UBLCP1: variants seen among roughly 807,000 people sequenced by gnomAD.
UBLCP1 encodes the protein ubiquitin-like domain-containing CTD phosphatase 1.
Under a neutral mutation model 42.4 loss-of-function variants are expected in UBLCP1, and 28 were observed. The observed-to-expected ratio is 0.66, with a 90% CI of 0.49 to 0.90. The LOEUF is 0.90. UBLCP1 is among the 40% of genes least tolerant of loss of function. UBLCP1 has a pLI of 0.00. For missense variants in UBLCP1, 279 were observed against 374.5 expected (o/e 0.75, Z 2.10); for synonymous variants, 122 against 120.8 (o/e 1.01, Z -0.07).
At chr5:159,275,363 G>A (rs1302674262) in intron 8 of UBLCP1, 117 bp downstream of exon 8, 2 of 586,714 alleles carry the variant, frequency 3.4e-6, no homozygotes, top group East Asian at 7.1e-5. Context: ...TAATAAAGTG[G>A]TTGAGTTTTG....
At chr5:159,267,589 C>T (rs928044877) in intron 1 of UBLCP1, among the ~76,000 whole-genome samples, 6 of 152,008 alleles carry the variant, frequency 3.9e-5, no homozygotes, top group African/African-American at 1.5e-4. Flanking sequence ...TTTGGAGGGG[C>T]CAGGGGCAGA....
At chr5:159,275,350 G>A (rs995428674) in intron 8 of UBLCP1, 104 bp downstream of exon 8, 1 of 592,184 alleles carries the variant, frequency 1.7e-6, no homozygotes, top group Non-Finnish European at 2.7e-6. Flanking sequence ...TCATCTGAGT[G>A]AATAATAAAG....
Position 159,275,215 on chromosome 5 carries a change from C to T in UBLCP1, c.653C>T (p.Thr218Ile). ...TFMLDSAAMITVHTPRRGLID... is the reference protein window; with the variant it reads ...TFMLDSAAMIIVHTPRRGLID... ...ATGTTGGATAGTGCTGCTATGATAA[C>T]AGTACATACTCCAAGGAGAGGATTA... The change falls in exon 8 of 11, where the codon ACA becomes ATA. Residue 218 changes from threonine to isoleucine, a missense_variant. By Grantham distance (89) the Thr-to-Ile change is moderately conservative (BLOSUM62 -1). Transcript: ENST00000296786. 1.2e-6 allele frequency: 2 copies of T among 1,612,964 alleles called. No individual in the cohort carries two copies. The highest frequency in any genetic ancestry group is 1.1e-5 in the South Asian group (1 of 91,056).
Position 159,268,984 on chromosome 5 carries a change from T to TA in UBLCP1, c.70dup (p.Thr24AsnfsTer28). ...CAGTGACCACACTTTCAGAAGATGA[T>TA]ACTGTGCTCGATCTCAAACAGTTTC... On this transcript the variant is annotated frameshift_variant, in exon 2 of 11. Coordinates refer to ENST00000296786, the MANE Select transcript of UBLCP1 (RefSeq NM_145049.5). LOFTEE classifies it high-confidence loss of function. 6.2e-7 allele frequency: 1 copy of TA among 1,611,894 alleles called. No homozygotes were observed. The highest frequency in any genetic ancestry group is 8.5e-7 in the Non-Finnish European group (1 of 1,179,108).
intron 2 of UBLCP1, among the ~76,000 whole-genome samples, chr5:159,269,360 A>G (rs1007941548): frequency 4.6e-5 from 7 of 152,308 alleles, no homozygotes; most frequent in African/African-American, 1.7e-4. Flanking sequence ...GATGAAACTC[A>G]TTTATTTTCT....
At chr5:159,274,064 G>T (rs1046747128) in intron 6 of UBLCP1, among the ~76,000 whole-genome samples, 1 of 152,120 alleles carries the variant, frequency 6.6e-6, no homozygotes, top group Non-Finnish European at 1.5e-5. Flanking sequence ...CTCATTTCTT[G>T]TTAGAAGCTG....
intron 9 of UBLCP1, among the ~76,000 whole-genome samples, chr5:159,279,726 C>T (rs1753584460): frequency 6.6e-6 from 1 of 152,068 alleles, no homozygotes; most frequent in Non-Finnish European, 1.5e-5. Context: ...CTGTTTAAGG[C>T]TTGGAGAGAA....
chr5:159,270,382 CT>C lies in UBLCP1; in HGVS notation c.270del (p.Asp91ThrfsTer15). On this transcript the variant is annotated frameshift_variant, in exon 4 of 11. Coordinates refer to ENST00000296786, the MANE Select transcript of UBLCP1 (RefSeq NM_145049.5). LOFTEE classifies it high-confidence loss of function. ...ESLEDVLGPP[P>X]DNDDVVNDFD... ...TAGGAAGATGTCTTAGGTCCACCCC[CT>C]GACAATGATGATGTTGTTAATGACT... 6.2e-7 allele frequency: 1 copy of C among 1,613,432 alleles called. No homozygotes were observed. Among genetic ancestry groups the C allele is most frequent in the Non-Finnish European group, 8.5e-7 (1 of 1,179,660 alleles).
intron 1 of UBLCP1, among the ~76,000 whole-genome samples, chr5:159,265,239 T>C (rs1380893332): frequency 6.6e-6 from 1 of 152,224 alleles, no homozygotes; most frequent in Non-Finnish European, 1.5e-5. Flanking sequence ...TTAAATTATT[T>C]TTGGAAGTGG....
chr5:159,269,345 T>G (rs537813312), intron 2 of UBLCP1, among the ~76,000 whole-genome samples: 1 of 152,196 alleles, frequency 6.6e-6, no homozygotes, highest in Non-Finnish European at 1.5e-5. Flanking sequence ...GGCACAGAAG[T>G]CCCGGATGAA....
intron 1 of UBLCP1, among the ~76,000 whole-genome samples, chr5:159,264,482 T>A (rs1753349323): frequency 6.6e-6 from 1 of 152,248 alleles, no homozygotes; most frequent in Admixed American, 6.5e-5. Context: ...ACATATGCAT[T>A]TACAATTTTT....
intron 1 of UBLCP1, among the ~76,000 whole-genome samples, chr5:159,263,819 T>G (rs967059987): frequency 2.6e-5 from 4 of 152,210 alleles, no homozygotes; most frequent in African/African-American, 9.7e-5. Context: ...TTTGCTGGGA[T>G]TGTTGAAAGT....
At chr5:159,275,913 CTG>C (rs1320774285) in intron 8 of UBLCP1, among the ~76,000 whole-genome samples, 6 of 152,078 alleles carry the variant, frequency 3.9e-5, no homozygotes, top group African/African-American at 1.4e-4. Flanking sequence ...CTGTTTGAAA[CTG>C]GTAATAAAAG....
At chr5:159,282,642 T>G (rs1753622036) in intron 9 of UBLCP1, among the ~76,000 whole-genome samples, 1 of 152,124 alleles carries the variant, frequency 6.6e-6, no homozygotes, top group South Asian at 2.1e-4. Flanking sequence ...TGGCAGTTCT[T>G]TTTATGGAAA....
At chr5:159,270,849 A>C (rs954994134) in intron 5 of UBLCP1, among the ~76,000 whole-genome samples, 1 of 150,816 alleles carries the variant, frequency 6.6e-6, no homozygotes, top group Admixed American at 6.6e-5. Flanking sequence ...AAAGATGACC[A>C]CTCTTAGTAA....
At chr5:159,266,693 C>T (rs896252613) in intron 1 of UBLCP1, among the ~76,000 whole-genome samples, 8 of 152,286 alleles carry the variant, frequency 5.3e-5, no homozygotes, top group South Asian at 2.1e-4. Flanking sequence ...TTCGTGGGCC[C>T]GGCCCAGGGT....
At chr5:159,284,817 A>T in intron 10 of UBLCP1, 87 bp from the exon 11 acceptor site, 1 of 1,392,420 alleles carries the variant, frequency 7.2e-7, no homozygotes, top group Non-Finnish European at 1.0e-6. Flanking sequence ...TTTTGTCATT[A>T]GAACAAACTC....
intron 9 of UBLCP1, among the ~76,000 whole-genome samples, chr5:159,282,340 A>T (rs1753619060): frequency 6.6e-6 from 1 of 152,146 alleles, no homozygotes; most frequent in African/African-American, 2.4e-5. Context: ...TCTTGTAAAA[A>T]ATTTTATTCC....
intron 5 of UBLCP1, among the ~76,000 whole-genome samples, chr5:159,271,763 C>CA (rs1467920121): frequency 6.6e-6 from 1 of 152,058 alleles, no homozygotes; most frequent in Non-Finnish European, 1.5e-5. Context: ...AAAAAATTTT[C>CA]AGTTTACTAC....
Sources: gnomAD v4.1 joint callset for allele counts (sites outside exome capture counted in the v4.1 genomes callset) on GRCh38, gnomAD v4.1.1 for gene constraint, MANE v1.5 for transcripts, NCBI Gene and HGNC (gene_info 2026-07-23, HGNC 2026-07-21) for gene names.